The following TUSC3 variants were observed in gnomAD, a reference collection of about 807,000 sequenced individuals.
TUSC3 encodes dolichyl-diphosphooligosaccharide--protein glycosyltransferase subunit TUSC3.
Under a neutral mutation model 44.8 loss-of-function variants are expected in TUSC3, and 45 were observed. That is an observed-to-expected ratio of 1.00 (90% CI 0.79 to 1.29). The LOEUF is 1.29. Ranked by LOEUF, TUSC3 falls within the 50% of genes most tolerant of loss-of-function variation. The pLI is 0.00. For synonymous variants in TUSC3, 212 were observed against 152.9 expected (o/e 1.39, Z -2.85); for missense variants, 519 against 437.9 (o/e 1.19, Z -1.65).
At chr8:15,631,348 C>T (rs192258165) in intron 2 of TUSC3, among the ~76,000 whole-genome samples, 31 of 152,214 alleles carry the variant, frequency 2.0e-4, no homozygotes, top group African/African-American at 7.2e-4. Flanking sequence ...TTACAGCAAA[C>T]GTTCATTATA....
At chr8:15,456,497 G>A (rs553394365) in intron 1 of TUSC3, among the ~76,000 whole-genome samples, 2 of 152,100 alleles carry the variant, frequency 1.3e-5, no homozygotes, top group African/African-American at 2.4e-5. Context: ...GGGCTTCCAC[G>A]ATCAGTGACT....
At chr8:15,597,183 A>G (rs377532497) in intron 1 of TUSC3, among the ~76,000 whole-genome samples, 6 of 144,662 alleles carry the variant, frequency 4.1e-5, no homozygotes, top group Non-Finnish European at 8.8e-5. Context: ...GGCTAACTTG[A>G]TGATAGAGAT....
chr8:15,482,061 A>C (rs1356887934), intron 1 of TUSC3, among the ~76,000 whole-genome samples: 1 of 152,230 alleles, frequency 6.6e-6, no homozygotes, highest in Non-Finnish European at 1.5e-5. Flanking sequence ...TCATCTCAAC[A>C]ATGTTCATAG....
At chr8:15,824,863 C>A in the TUSC3 span, among the ~76,000 whole-genome samples, 2 of 152,154 alleles carry the variant, frequency 1.3e-5, no homozygotes, top group South Asian at 4.1e-4. Context: ...TATAGCATTT[C>A]CTGCCTCTTT....
chr8:15,426,555 C>T (rs1167206531), intron 1 of TUSC3, among the ~76,000 whole-genome samples: 1 of 152,174 alleles, frequency 6.6e-6, no homozygotes, highest in Non-Finnish European at 1.5e-5. Context: ...GTTCATACAC[C>T]TTGTCACAAA....
chr8:15,599,535 C>T (rs921441396), intron 1 of TUSC3, among the ~76,000 whole-genome samples: 2 of 151,724 alleles, frequency 1.3e-5, no homozygotes, highest in African/African-American at 4.8e-5. Flanking sequence ...TTCTTTTATG[C>T]TCTCTTATAG....
intron 2 of TUSC3, among the ~76,000 whole-genome samples, chr8:15,494,492 T>A (rs936705157): frequency 1.3e-5 from 2 of 152,096 alleles, no homozygotes; most frequent in Non-Finnish European, 2.9e-5. Flanking sequence ...TGATTTTTTG[T>A]ATTTTTATTA....
the TUSC3 span, among the ~76,000 whole-genome samples, chr8:15,774,289 C>T: frequency 2.6e-5 from 4 of 152,098 alleles, no homozygotes; most frequent in Non-Finnish European, 5.9e-5. Flanking sequence ...AGAGTACATC[C>T]TTACTTGGAA....
At chr8:15,846,166 T>C in the TUSC3 span, among the ~76,000 whole-genome samples, 210 of 152,294 alleles carry the variant, frequency 1.4e-3, no homozygotes, top group Middle Eastern at 3.4e-3. Flanking sequence ...CCAGTTGAGA[T>C]TTGAATGGGG....
At chr8:15,693,294 A>G (rs1166394559) in intron 6 of TUSC3, among the ~76,000 whole-genome samples, 2 of 152,274 alleles carry the variant, frequency 1.3e-5, no homozygotes, top group East Asian at 3.9e-4. Context: ...GGCCAGTAAC[A>G]GTCTTTTCTT....
intron 10 of TUSC3, chr8:15,758,205 A>C (rs546221581): frequency 9.8e-7 from 1 of 1,019,746 alleles, no homozygotes; most frequent in African/African-American, 1.7e-5. Context: ...AAATGTAGCC[A>C]AATCTTTTTT....
In TUSC3 at chr8:15,556,014, T is replaced by A. The variant is rs1206738428; in HGVS notation, c.138+15446T>A. Among the ~76,000 whole-genome samples, 6 of 151,306 alleles carry A rather than the reference T, an allele frequency of 4.0e-5. 1 individual carries two copies. The highest frequency in any genetic ancestry group is 8.9e-5 in the Non-Finnish European group (6 of 67,790). ...TTTTATTTTTTTATTTTTTATTTTTTTTTTATTATACTTTAAGTTTTAGGG... is the reference window on the plus strand; with the variant it reads ...TTTTATTTTTTTATTTTTTATTTTTATTTTATTATACTTTAAGTTTTAGGG... On this transcript the variant is annotated intron_variant, in intron 1 of 10. Transcript: ENST00000503731.
At chr8:15,599,729 T>G (rs1804207122) in intron 1 of TUSC3, among the ~76,000 whole-genome samples, 1 of 150,212 alleles carries the variant, frequency 6.7e-6, no homozygotes, top group African/African-American at 2.4e-5. Context: ...CAAAGATCAG[T>G]TGATTATGTC....
chr8:15,745,382 A>G (rs372518082), intron 8 of TUSC3, among the ~76,000 whole-genome samples: 4 of 152,104 alleles, frequency 2.6e-5, no homozygotes, highest in African/African-American at 9.7e-5. Flanking sequence ...AGAAATCTCG[A>G]AACTGTTTTC....
intron 1 of TUSC3, among the ~76,000 whole-genome samples, chr8:15,449,443 C>T (rs771956055): frequency 1.6e-4 from 25 of 152,164 alleles, no homozygotes; most frequent in Non-Finnish European, 3.2e-4. Context: ...ACCACCCCGC[C>T]ATGGCTGGTG....
upstream of TUSC3, among the ~76,000 whole-genome samples, chr8:15,539,345 C>CTTTTTTTTTTTTTTT (rs35685582): frequency 2.9e-5 from 2 of 69,404 alleles, no homozygotes; most frequent in African/African-American, 1.2e-4. Context: ...TGCTATGGTT[C>CTTTTTTTTTTTTTTT]TTTTTTTTTT....
At chr8:15,806,161 C>T in the TUSC3 span, 5 of 478,812 alleles carry the variant, frequency 1.0e-5, no homozygotes, top group East Asian at 9.7e-5. Flanking sequence ...CACATAGCAT[C>T]AGTTGATGTG....
the TUSC3 span, among the ~76,000 whole-genome samples, chr8:15,823,874 G>A: frequency 0.17 from 26,068 of 152,126 alleles, 2,389 homozygotes; most frequent in Admixed American, 0.28. Context: ...AATCTCTTCC[G>A]TAAAGCATTA....
rs900052696 is a variant in TUSC3, at chr8:15,718,239, G to T, written c.799-12427G>T. On this transcript the variant is annotated intron_variant, in intron 6 of 10. Transcript: ENST00000503731. Reference sequence around the variant, plus strand: ...GCGTGATACATTAAACATTCAGACAGAATCAGTTGGGTCAAAGTAATAGAA... The same window carrying T: ...GCGTGATACATTAAACATTCAGACATAATCAGTTGGGTCAAAGTAATAGAA... Among the ~76,000 whole-genome samples the T allele has an allele frequency of 2.0e-5, 3 of 152,066 alleles. No individual in the cohort carries two copies. In the East Asian group the frequency reaches 5.8e-4, roughly 29 times the overall value.
Sources: allele counts gnomAD v4.1 joint callset (sites outside exome capture counted in the v4.1 genomes callset), GRCh38; gene constraint gnomAD v4.1.1; transcripts MANE v1.5; gene names NCBI Gene and HGNC (gene_info 2026-07-23, HGNC 2026-07-21).